EML6: variants seen among roughly 807,000 people sequenced by gnomAD.
EML6 encodes the protein echinoderm microtubule-associated protein-like 6.
In EML6, 154 loss-of-function variants were observed where a neutral mutation model predicts 240.1. That is an observed-to-expected ratio of 0.64 (90% CI 0.56 to 0.73). The LOEUF is 0.73. EML6 is among the 30% of genes least tolerant of loss of function. The pLI is 0.00. For missense variants in EML6, 2,964 were observed against 2,474.6 expected, an observed-to-expected ratio of 1.20 and a Z score of -4.20; for synonymous variants, 1,148 against 899.0, an observed-to-expected ratio of 1.28 and a Z score of -4.95.
intron 2 of EML6, among the ~76,000 whole-genome samples, chr2:54,786,783 G>C (rs896790558): frequency 6.6e-6 from 1 of 152,222 alleles, no homozygotes; most frequent in African/African-American, 2.4e-5. Context: ...CTAAAGCCCA[G>C]GTTAAAGTAA....
At chr2:54,826,836 CACTT>C (rs1280988775) in intron 5 of EML6, among the ~76,000 whole-genome samples, 7 of 152,222 alleles carry the variant, frequency 4.6e-5, no homozygotes, top group African/African-American at 1.7e-4. Context: ...AGATTTATAA[CACTT>C]AAAGTTAGAA....
intron 32 of EML6, 75 bp downstream of exon 32, chr2:54,954,231 A>G: frequency 1.5e-6 from 2 of 1,368,956 alleles, no homozygotes; most frequent in Non-Finnish European, 2.0e-6. Context: ...TCGAACCCAG[A>G]TCTGCCTCAC....
intron 10 of EML6, 24 bp downstream of exon 10, chr2:54,850,242 T>C: frequency 6.5e-7 from 1 of 1,543,468 alleles, no homozygotes; most frequent in Non-Finnish European, 8.8e-7. Context: ...AGGCCTTGGA[T>C]GTTTCTGGAA....
intron 8 of EML6, among the ~76,000 whole-genome samples, chr2:54,846,566 C>T (rs1669766677): frequency 6.6e-6 from 1 of 150,940 alleles, no homozygotes; most frequent in African/African-American, 2.4e-5. Context: ...TAACTGCAAC[C>T]TTGAACTCCT....
intron 24 of EML6, among the ~76,000 whole-genome samples, chr2:54,908,650 C>G (rs945574347): frequency 1.2e-4 from 19 of 152,196 alleles, no homozygotes. Context: ...GGTCTTATCT[C>G]TGCCTTTGAC....
chr2:54,782,559 T>A (rs1668897561), intron 2 of EML6, among the ~76,000 whole-genome samples: 1 of 152,216 alleles, frequency 6.6e-6, no homozygotes, highest in Non-Finnish European at 1.5e-5. Context: ...ACACTGATTA[T>A]CTGTTACTTT....
intron 2 of EML6, among the ~76,000 whole-genome samples, chr2:54,760,768 G>A (rs992892477): frequency 4.6e-5 from 7 of 151,694 alleles, no homozygotes; most frequent in Non-Finnish European, 8.8e-5. Context: ...TTCAAAGATG[G>A]GAGGTGTACA....
At chr2:54,952,789 C>A in intron 31 of EML6, 97 bp downstream of exon 31, 1 of 766,782 alleles carries the variant, frequency 1.3e-6, no homozygotes. Context: ...TGCTTACATC[C>A]ATCCCTTCTT....
At chr2:54,863,508 C>T (rs888328780) in intron 12 of EML6, among the ~76,000 whole-genome samples, 3 of 152,060 alleles carry the variant, frequency 2.0e-5, no homozygotes, top group Admixed American at 2.0e-4. Context: ...GAGACAGACC[C>T]TGTCTCAAAA....
Position 54,790,764 on chromosome 2 carries a change from C to CCA in EML6, c.198-22468_198-22467insCA, listed in dbSNP as rs1197115253. On this transcript the variant is annotated intron_variant, in intron 2 of 41. Coordinates refer to ENST00000356458, the MANE Select transcript of EML6 (RefSeq NM_001039753.4). ...TTTTTGAGACGGAGTTACGCTCTGT[C>CCA]GCCCAGGCTGGAGTGCAGTGGCGCG... Among the ~76,000 whole-genome samples the CCA allele has an allele frequency of 2.2e-5, 3 of 138,260 alleles. No individual in the cohort carries two copies. In the East Asian group the frequency reaches 6.8e-4, roughly 31 times the overall value. 90.7% of individuals were successfully genotyped at this position (138,260 alleles called of 152,430 possible).
intron 26 of EML6, among the ~76,000 whole-genome samples, chr2:54,921,159 G>C (rs936253807): frequency 1.3e-5 from 2 of 151,934 alleles, no homozygotes; most frequent in African/African-American, 4.8e-5. Context: ...CAGAAAGAAA[G>C]ATGTAAAATT....
intron 5 of EML6, among the ~76,000 whole-genome samples, chr2:54,824,832 C>A: frequency 6.6e-6 from 1 of 152,128 alleles, no homozygotes; most frequent in East Asian, 1.9e-4. Flanking sequence ...GCATTACAGT[C>A]TGTGGGTAGA....
rs989869548 is a variant in EML6 at position 54,724,832 on chromosome 2, G to A, written c.-230G>A. 4.0e-5 allele frequency: 7 copies of A among 177,024 alleles called. No homozygotes were observed. Among genetic ancestry groups the A allele is most frequent in the East Asian group, 1.8e-4 (1 of 5,658 alleles). 11.0% of individuals were successfully genotyped at this position (177,024 alleles called of 1,614,324 possible). A position where few individuals can be genotyped will look rare whatever the true frequency, so the allele number is the denominator to read the frequency against. On this transcript the variant is annotated 5_prime_UTR_variant, in exon 2 of 42. Coordinates refer to ENST00000356458, the MANE Select transcript of EML6 (RefSeq NM_001039753.4). The surrounding 1 kb of genome is among the most constrained non-coding windows in gnomAD (Gnocchi z 5.2). Reference sequence around the variant, plus strand: ...GAGCCGCCTTGCCCGGGTAGAGGGAGCCCGGCGCCCGGCGGGGTCTGGCGG... The same window carrying A: ...GAGCCGCCTTGCCCGGGTAGAGGGAACCCGGCGCCCGGCGGGGTCTGGCGG...
In EML6 at chr2:54,892,625, G is replaced by T; in HGVS notation, c.2711G>T (p.Gly904Val). 6.4e-7 allele frequency: 1 copy of T among 1,551,612 alleles called. No homozygotes were observed. The highest frequency in any genetic ancestry group is 8.7e-7 in the Non-Finnish European group (1 of 1,146,812). Residue 904 changes from glycine to valine, a missense_variant, in exon 19 of 42, where the codon GGG becomes GTG. Coordinates refer to ENST00000356458, the MANE Select transcript of EML6 (RefSeq NM_001039753.4). ...CTGAAGACAGTGAAAGCTCATGATG[G>T]GCCTGTGTTTGCTATGTATGCACTG... ...LLLKTVKAHD[G>V]PVFAMYALDK...
chr2:54,814,046 C>T (rs1335697003), intron 3 of EML6, among the ~76,000 whole-genome samples: 1 of 152,214 alleles, frequency 6.6e-6, no homozygotes, highest in African/African-American at 2.4e-5. Context: ...TAATGCATTT[C>T]ATCAACTGAA....
Position 54,866,838 on chromosome 2 carries a change from C to T in EML6, c.2005C>T (p.Arg669Ter), listed in dbSNP as rs767889037. 8 of 1,551,096 alleles carry T rather than the reference C, an allele frequency of 5.2e-6. No homozygotes were observed. Among genetic ancestry groups the T allele is most frequent in the African/African-American group, 1.4e-5 (1 of 73,024 alleles). ...EKNHAVPFLK[R>*]EKAPEDSLKL... Reference sequence around the variant, plus strand: ...AAACCACGCAGTGCCCTTCCTCAAACGAGAAAAGGCTCCTGAGGACAGCTT... The same window carrying T: ...AAACCACGCAGTGCCCTTCCTCAAATGAGAAAAGGCTCCTGAGGACAGCTT... Residue 669 changes from arginine (R) to a stop codon, truncating the protein, a stop_gained, in exon 14 of 42, where the codon CGA (arginine) becomes TGA (stop). Transcript: ENST00000356458. LOFTEE classifies it high-confidence loss of function.
At chr2:54,810,102 A>G (rs540398087) in intron 2 of EML6, among the ~76,000 whole-genome samples, 2 of 152,334 alleles carry the variant, frequency 1.3e-5, no homozygotes, top group South Asian at 4.1e-4. Context: ...CTGGCTCATG[A>G]AAGGAGAAAA....
chr2:54,828,329 A>G (rs61396101), intron 6 of EML6, among the ~76,000 whole-genome samples: 1,757 of 152,338 alleles, frequency 0.012, 35 homozygotes, highest in African/African-American at 0.038. Flanking sequence ...GAACAAGGAG[A>G]AACTTCTTAC....
intron 17 of EML6, chr2:54,880,829 C>A (rs1476405328): frequency 6.6e-6 from 1 of 152,154 alleles, no homozygotes; most frequent in Non-Finnish European, 1.5e-5. Context: ...CAGATAATTT[C>A]AGGGAAAGCA....
Sources: allele counts gnomAD v4.1 joint callset (sites outside exome capture counted in the v4.1 genomes callset), GRCh38; gene constraint gnomAD v4.1.1; non-coding constraint Gnocchi (gnomAD v3.1); transcripts MANE v1.5; gene names NCBI Gene and HGNC (gene_info 2026-07-23, HGNC 2026-07-21).